The following ITGAE variants were observed in gnomAD, a reference collection of about 807,000 sequenced individuals.
ITGAE encodes integrin alpha-E.
A neutral mutation model predicts 136.5 loss-of-function variants in ITGAE; 99 were observed. The ratio of observed to expected loss-of-function variants is 0.73; its 90% CI spans 0.62 to 0.86. ITGAE has a LOEUF of 0.86. ITGAE is among the 40% of genes least tolerant of loss of function. The pLI, the probability that ITGAE is intolerant of heterozygous loss-of-function variation, is 0.00. For synonymous variants in ITGAE, 613 were observed against 591.8 expected (o/e 1.04, Z -0.52); for missense variants, 1,447 against 1,515.3 (o/e 0.95, Z 0.75).
intron 1 of ITGAE, among the ~76,000 whole-genome samples, chr17:3,784,556 G>A (rs1036844938): frequency 1.3e-5 from 2 of 151,690 alleles, no homozygotes; most frequent in African/African-American, 2.4e-5. Flanking sequence ...CACCATGCCC[G>A]CCTAATTTTT....
At chr17:3,774,497 C>T (rs2052495799) in intron 2 of ITGAE, among the ~76,000 whole-genome samples, 1 of 152,192 alleles carries the variant, frequency 6.6e-6, no homozygotes, top group South Asian at 2.1e-4. Flanking sequence ...GGTGCGGTGG[C>T]TCATGCCTGT....
chr17:3,787,822 G>A (rs899554501), intron 1 of ITGAE, among the ~76,000 whole-genome samples: 28 of 152,042 alleles, frequency 1.8e-4, no homozygotes, highest in African/African-American at 6.8e-4. Flanking sequence ...TGAGTACCTG[G>A]AATTACAGAT....
chr17:3,741,052 T>C (rs2051573118), intron 19 of ITGAE, among the ~76,000 whole-genome samples: 1 of 150,550 alleles, frequency 6.6e-6, no homozygotes, highest in Non-Finnish European at 1.5e-5. Context: ...AACAGTTTCA[T>C]GCAGGGTTTT....
At chr17:3,746,026 A>G in intron 17 of ITGAE, 99 bp from the exon 18 acceptor site, 1 of 1,087,894 alleles carries the variant, frequency 9.2e-7, no homozygotes. Flanking sequence ...CCCCTCCTGA[A>G]CAGTGTCCCC....
At chr17:3,770,922 C>T (rs2052406242) in intron 2 of ITGAE, among the ~76,000 whole-genome samples, 1 of 152,106 alleles carries the variant, frequency 6.6e-6, no homozygotes, top group South Asian at 2.1e-4. Flanking sequence ...TGGGAGGGAA[C>T]TAGGCAGGAG....
chr17:3,724,622 G>A (rs768909526), intron 26 of ITGAE: 2 of 1,614,178 alleles, frequency 1.2e-6, no homozygotes, highest in Non-Finnish European at 1.7e-6. Flanking sequence ...GAGGAGCCAA[G>A]GACACCAGGA....
chr17:3,774,325 T>A (rs750815660), intron 2 of ITGAE, among the ~76,000 whole-genome samples: 3 of 149,834 alleles, frequency 2.0e-5, no homozygotes, highest in Non-Finnish European at 4.5e-5. Context: ...AGTGGGAGAG[T>A]ATGCACAAGA....
chr17:3,720,979 A>C (rs1043036643), intron 28 of ITGAE, among the ~76,000 whole-genome samples: 2 of 152,140 alleles, frequency 1.3e-5, no homozygotes, highest in African/African-American at 4.8e-5. Flanking sequence ...CCCATGCTGG[A>C]GTGCAATGGC....
rs890535046 is a variant in ITGAE at position 3,724,203 on chromosome 17, G to A, written c.3085-459C>T. 6.3e-5 allele frequency: 101 copies of A among 1,592,944 alleles called. No individual in the cohort carries two copies. Among genetic ancestry groups the A allele is most frequent in the Non-Finnish European group, 7.8e-5 (92 of 1,177,200 alleles). ...GCGTCCCGGCGGCCGAGTGCCCAAGGACCGGCCCAGCCTGACCGTGACCCC... is the reference window on the plus strand; with the variant it reads ...GCGTCCCGGCGGCCGAGTGCCCAAGAACCGGCCCAGCCTGACCGTGACCCC... On this transcript the variant is annotated intron_variant, in intron 26 of 30. Transcript: ENST00000263087.
At chr17:3,771,644 G>A (rs11649857) in intron 2 of ITGAE, among the ~76,000 whole-genome samples, 10,856 of 150,310 alleles carry the variant, frequency 0.072, 486 homozygotes, top group East Asian at 0.18. Context: ...GGGTTCAAGC[G>A]ATTCTCCTGC....
intron 22 of ITGAE, among the ~76,000 whole-genome samples, chr17:3,732,077 AAAAC>A (rs10523007): frequency 0.018 from 2,690 of 150,792 alleles, 32 homozygotes; most frequent in Non-Finnish European, 0.028. Flanking sequence ...CTCCATCTCA[AAAAC>A]AAACAAACAA....
intron 1 of ITGAE, among the ~76,000 whole-genome samples, chr17:3,800,817 G>A (rs2053238465): frequency 6.6e-6 from 1 of 152,258 alleles, no homozygotes; most frequent in South Asian, 2.1e-4. Context: ...GCCATGGGGA[G>A]AGGGCCTCGG....
rs865794244 is a variant in ITGAE at position 3,724,570 on chromosome 17, T to G, written c.3085-826A>C. On this transcript the variant is annotated intron_variant, in intron 26 of 30. Coordinates refer to ENST00000263087, the MANE Select transcript of ITGAE (RefSeq NM_002208.5). ...GGCCTCCACCTCCCAGAAGTCTCCC[T>G]GGACCGAGCATCTCTCCCCTGCTCC... is the stretch of plus-strand genomic sequence containing the variant. 2.5e-6 allele frequency: 4 copies of G among 1,614,012 alleles called. No individual in the cohort carries two copies. In the African/African-American group the frequency reaches 4.0e-5, roughly 16 times the overall value.
At chr17:3,750,207 C>T in intron 16 of ITGAE, 145 bp downstream of exon 16, 1 of 1,191,856 alleles carries the variant, frequency 8.4e-7, no homozygotes, top group East Asian at 2.4e-5. Context: ...AGGTTCAAAC[C>T]CAGACGGGCA....
At chr17:3,762,075 AG>A in intron 3 of ITGAE, 93 bp from the exon 4 acceptor site, 2 of 1,034,264 alleles carry the variant, frequency 1.9e-6, no homozygotes, top group South Asian at 2.8e-5. Context: ...CACCTTGGTC[AG>A]GCCCCCATGA....
At chr17:3,724,754 G>C in intron 26 of ITGAE, 1 of 1,614,218 alleles carries the variant, frequency 6.2e-7, no homozygotes. Context: ...GCTGTAAAAG[G>C]AAACTGGTGG....
chr17:3,720,423 T>G (rs2051026034), intron 28 of ITGAE, 21 bp from the exon 29 acceptor site: 1 of 1,089,130 alleles, frequency 9.2e-7, no homozygotes, highest in Non-Finnish European at 1.4e-6. Flanking sequence ...GGGAAAGGAA[T>G]GAGGGAAACA....
chr17:3,752,755 A>G (rs112927349), intron 14 of ITGAE, among the ~76,000 whole-genome samples: 2,081 of 151,248 alleles, frequency 0.014, 36 homozygotes, highest in South Asian at 0.047. Context: ...AGTCTCGGAA[A>G]AAAAAAAAAA....
chr17:3,764,867 G>A (rs1007299930), intron 2 of ITGAE, among the ~76,000 whole-genome samples: 3 of 152,224 alleles, frequency 2.0e-5, no homozygotes, highest in Non-Finnish European at 2.9e-5. Flanking sequence ...CACCATCCAC[G>A]TTACCCAGGA....
Sources: allele counts gnomAD v4.1 joint callset (sites outside exome capture counted in the v4.1 genomes callset), GRCh38; gene constraint gnomAD v4.1.1; transcripts MANE v1.5; gene names NCBI Gene and HGNC (gene_info 2026-07-23, HGNC 2026-07-21).